Variants in ZSCAN5A observed in about 807,000 individuals in gnomAD.
The protein encoded by ZSCAN5A is zinc finger and SCAN domain-containing protein 5A.
In ZSCAN5A, 12 loss-of-function variants were observed where a neutral mutation model predicts 23.7. The ratio of observed to expected loss-of-function variants is 0.51; its 90% CI spans 0.32 to 0.82. The LOEUF (loss-of-function observed/expected upper bound fraction) is 0.82. ZSCAN5A is among the 40% of genes least tolerant of loss of function. ZSCAN5A has a pLI of 0.03. For synonymous variants in ZSCAN5A, 257 were observed against 239.9 expected, an observed-to-expected ratio of 1.07 and a Z score of -0.66; for missense variants, 597 against 617.9, an observed-to-expected ratio of 0.97 and a Z score of 0.36.
chr19:56,305,527 C>T (rs1203738342), intron 2 of ZSCAN5A, among the ~76,000 whole-genome samples: 5 of 152,140 alleles, frequency 3.3e-5, no homozygotes, highest in Non-Finnish European at 5.9e-5. Context: ...TGTTGTGAGT[C>T]GTGGTGCTAT....
intron 2 of ZSCAN5A, among the ~76,000 whole-genome samples, chr19:56,262,176 A>G (rs1157708123): frequency 6.6e-6 from 1 of 151,532 alleles, no homozygotes; most frequent in African/African-American, 2.4e-5. Flanking sequence ...TGCCACCATG[A>G]TCGGCTAATT....
intron 2 of ZSCAN5A, chr19:56,319,920 C>A: frequency 4.8e-6 from 6 of 1,242,576 alleles, no homozygotes; most frequent in Non-Finnish European, 7.1e-6. Context: ...TCATTGAGTT[C>A]AACCTGTCCA....
At chr19:56,332,140 G>GT (rs2041495389) in intron 2 of ZSCAN5A, among the ~76,000 whole-genome samples, 1 of 152,112 alleles carries the variant, frequency 6.6e-6, no homozygotes, top group Non-Finnish European at 1.5e-5. Flanking sequence ...TGTGCACTCT[G>GT]TAGTTGTGGC....
chr19:56,321,815 T>G, intron 2 of ZSCAN5A: 1 of 1,078,880 alleles, frequency 9.3e-7, no homozygotes, highest in Non-Finnish European at 1.4e-6. Context: ...CTGCCACCAC[T>G]TGTAAACTGG....
intron 2 of ZSCAN5A, chr19:56,322,349 T>C (rs554804223): frequency 1.1e-5 from 9 of 788,028 alleles, no homozygotes; most frequent in East Asian, 7.3e-5. Flanking sequence ...TGCCGCCAGA[T>C]CTGGCTTCCC....
At chr19:56,222,370 T>G (rs761102683) in intron 5 of ZSCAN5A, 44 bp from the exon 6 acceptor site, 2 of 1,598,148 alleles carry the variant, frequency 1.3e-6, no homozygotes, top group South Asian at 2.2e-5. Context: ...AAGCGCATTT[T>G]CAATACACCA....
chr19:56,359,020 G>C (rs1480926528), intron 2 of ZSCAN5A, among the ~76,000 whole-genome samples: 1 of 151,668 alleles, frequency 6.6e-6, no homozygotes, highest in Non-Finnish European at 1.5e-5. Flanking sequence ...AAGTACCAGA[G>C]AACCAAGAGC....
At chr19:56,279,281 C>T (rs1322791488) in intron 2 of ZSCAN5A, among the ~76,000 whole-genome samples, 3 of 151,782 alleles carry the variant, frequency 2.0e-5, no homozygotes, top group African/African-American at 7.3e-5. Context: ...AAAAAGATCT[C>T]TTTTTTTTCC....
chr19:56,279,883 TAACAA>T (rs2038554474), intron 2 of ZSCAN5A, among the ~76,000 whole-genome samples: 1 of 152,112 alleles, frequency 6.6e-6, no homozygotes, highest in Non-Finnish European at 1.5e-5. Flanking sequence ...ATATTTCAAT[TAACAA>T]AACAGTATTT....
rs2033809319 is a variant in ZSCAN5A at position 56,225,267 on chromosome 19, C to T, written c.-127-94G>A. 9 of 1,221,540 alleles carry T rather than the reference C, an allele frequency of 7.4e-6. No homozygotes were observed. In the East Asian group the frequency reaches 2.2e-4, roughly 30 times the overall value. The allele number at this position is 1,221,540 out of a possible 1,614,324, so 75.7% of individuals were successfully genotyped here. ...CTCATCCTGGATGCCACTTCTTCAG[C>T]AGCATCGAATTCAGCACAGTGGAAA... On this transcript the variant is annotated intron_variant, in intron 2 of 5. Coordinates refer to ENST00000683990, the MANE Select transcript of ZSCAN5A (RefSeq NM_001322064.3).
rs929236830 is a variant in ZSCAN5A, at chr19:56,222,030, C to G, written c.1036G>C (p.Asp346His). Residue 346 changes from aspartate to histidine, a missense_variant, in exon 6 of 6, where the codon GAT (aspartate) becomes CAT (histidine). Asp to His is a moderately conservative substitution (Grantham distance 81). This residue lies in a region of ZSCAN5A where 406 missense variants were observed against 353.2 expected (regional missense o/e 1.15). Coordinates refer to ENST00000683990, the MANE Select transcript of ZSCAN5A (RefSeq NM_001322064.3). ...PGPASPVSHP[D>H]GQEAKALPPF... is the part of the protein sequence containing the mutation. ...GGCAGTGCCTTGGCTTCTTGGCCAT[C>G]CGGGTGACTGACTGGGCTCGCAGGG... is the stretch of plus-strand genomic sequence containing the variant. 12 of 1,614,146 alleles carry G rather than the reference C, an allele frequency of 7.4e-6. No homozygotes were observed. The highest frequency in any genetic ancestry group is 1.0e-5 in the Non-Finnish European group (12 of 1,180,014).
chr19:56,282,433 A>G, intron 2 of ZSCAN5A: 1 of 960,014 alleles, frequency 1.0e-6, no homozygotes, highest in Non-Finnish European at 1.2e-6. Flanking sequence ...TTCATTGGCA[A>G]TATGGTTCCC....
At chr19:56,235,086 A>ATGGACGTTGGGCCAAGTCTCCACTCCAG in intron 2 of ZSCAN5A, among the ~76,000 whole-genome samples, 1 of 89,152 alleles carries the variant, frequency 1.1e-5, no homozygotes, top group East Asian at 3.5e-4. Flanking sequence ...CTCCACTCCA[A>ATGGACGTTGGGCCAAGTCTCCACTCCAG]CCTCTGATGG....
At chr19:56,237,517 A>G (rs2035026189) in intron 2 of ZSCAN5A, among the ~76,000 whole-genome samples, 2 of 152,182 alleles carry the variant, frequency 1.3e-5, no homozygotes, top group African/African-American at 4.8e-5. Flanking sequence ...TAGGTGACAT[A>G]ATATTAAATG....
chr19:56,263,972 C>CTT (rs35570967), intron 2 of ZSCAN5A, among the ~76,000 whole-genome samples: 37,461 of 140,198 alleles, frequency 0.27, 5,164 homozygotes, highest in Middle Eastern at 0.32. Context: ...CCAAGAAAAA[C>CTT]TTTTTTTTTT....
intron 2 of ZSCAN5A, among the ~76,000 whole-genome samples, chr19:56,239,214 T>C (rs966064372): frequency 2.6e-5 from 4 of 152,230 alleles, no homozygotes; most frequent in Non-Finnish European, 5.9e-5. Context: ...ATCAGTGTAA[T>C]ATTAATAACC....
intron 1 of ZSCAN5A, among the ~76,000 whole-genome samples, chr19:56,366,637 C>T (rs2041768293): frequency 6.6e-6 from 1 of 152,208 alleles, no homozygotes; most frequent in South Asian, 2.1e-4. Context: ...AGGCTCTACT[C>T]TAACCAATCA....
chr19:56,245,779 A>G (rs113751756), intron 2 of ZSCAN5A, among the ~76,000 whole-genome samples: 5,316 of 152,158 alleles, frequency 0.035, 307 homozygotes, highest in African/African-American at 0.12. Flanking sequence ...ACAGATTGTC[A>G]ATTTCTTAAT....
intron 2 of ZSCAN5A, among the ~76,000 whole-genome samples, chr19:56,240,407 G>T (rs1446025165): frequency 6.6e-6 from 1 of 152,120 alleles, no homozygotes; most frequent in East Asian, 1.9e-4. Context: ...ACCAATCATG[G>T]GGCAGTGCAG....
Sources: gnomAD v4.1 joint callset for allele counts (sites outside exome capture counted in the v4.1 genomes callset) on GRCh38, gnomAD v4.1.1 for gene constraint, gnomAD v4.1.1 regional missense constraint, MANE v1.5 for transcripts, NCBI Gene and HGNC (gene_info 2026-07-23, HGNC 2026-07-21) for gene names.